MAPKAPK5: variants seen among roughly 807,000 people sequenced by gnomAD.
MAPKAPK5 encodes the protein MAPK activated protein kinase 5, also known as MAP kinase-activated protein kinase 5.
In MAPKAPK5, 30 loss-of-function variants were observed where a neutral mutation model predicts 65.1. That is an observed-to-expected ratio of 0.46 (90% CI 0.34 to 0.63). MAPKAPK5 has a LOEUF of 0.63. Ranked by LOEUF, MAPKAPK5 falls within the 20% of genes least tolerant of loss-of-function variation. The pLI, the probability that MAPKAPK5 is intolerant of heterozygous loss-of-function variation, is 0.01. For missense variants in MAPKAPK5, 433 were observed against 581.4 expected, an observed-to-expected ratio of 0.74 and a Z score of 2.63; for synonymous variants, 179 against 204.6, an observed-to-expected ratio of 0.87 and a Z score of 1.07.
intron 9 of MAPKAPK5, among the ~76,000 whole-genome samples, chr12:111,884,351 C>T (rs1034545104): frequency 6.6e-6 from 1 of 152,196 alleles, no homozygotes; most frequent in Non-Finnish European, 1.5e-5. Flanking sequence ...GCTGGGATTA[C>T]AGGAGCCCGC....
intron 8 of MAPKAPK5, among the ~76,000 whole-genome samples, chr12:111,881,498 G>A (rs2070227056): frequency 6.7e-6 from 1 of 149,718 alleles, no homozygotes; most frequent in African/African-American, 2.5e-5. Flanking sequence ...TCCGCCTCCC[G>A]GGTTCAAGCA....
chr12:111,885,892 G>A, intron 9 of MAPKAPK5, 24 bp from the exon 10 acceptor site: 1 of 1,613,830 alleles, frequency 6.2e-7, no homozygotes, highest in Non-Finnish European at 8.5e-7. Context: ...GTGCATGGCA[G>A]CCCTGTTGGC....
At chr12:111,872,581 A>G (rs2069818540) in intron 7 of MAPKAPK5, among the ~76,000 whole-genome samples, 1 of 152,244 alleles carries the variant, frequency 6.6e-6, no homozygotes, top group Admixed American at 6.5e-5. Flanking sequence ...TAAAAACAAC[A>G]GAAATGTATT....
intron 1 of MAPKAPK5, among the ~76,000 whole-genome samples, chr12:111,847,019 T>C (rs1393483103): frequency 6.6e-6 from 1 of 152,014 alleles, no homozygotes; most frequent in African/African-American, 2.4e-5. Context: ...TCCTCCCTTA[T>C]CTGTGGGGAC....
rs868814875 is a variant in MAPKAPK5, at chr12:111,852,752, C to G, written c.36+9983C>G. ...GTTTTCTAGTTTCCAGTGTATAAAT[C>G]TATAAATCTTGCCTTTTGATAAATT... On this transcript the variant is annotated intron_variant, in intron 1 of 13. Coordinates refer to ENST00000550735, the MANE Select transcript of MAPKAPK5 (RefSeq NM_003668.4). Among the ~76,000 whole-genome samples, 8 of 152,208 alleles carry G rather than the reference C, an allele frequency of 5.3e-5. 1 individual carries two copies. The Middle Eastern group carries it at 0.017, about 324-fold the overall frequency.
intron 7 of MAPKAPK5, among the ~76,000 whole-genome samples, chr12:111,877,811 G>C (rs922587333): frequency 6.6e-6 from 1 of 152,044 alleles, no homozygotes; most frequent in Non-Finnish European, 1.5e-5. Context: ...CTCCTTAGGA[G>C]CTGGGACCAT....
chr12:111,861,011 T>C (rs1474918079), intron 1 of MAPKAPK5, among the ~76,000 whole-genome samples: 1 of 151,536 alleles, frequency 6.6e-6, no homozygotes, highest in African/African-American at 2.4e-5. Flanking sequence ...GTACAAAAAT[T>C]AGCTGGGTGC....
chr12:111,880,150 G>A (rs574462576), intron 7 of MAPKAPK5: 1 of 420,632 alleles, frequency 2.4e-6, no homozygotes, highest in African/African-American at 2.0e-5. Context: ...AGGCATAAGG[G>A]CTATCCCCAG....
At chr12:111,854,574 T>C (rs2069179521) in intron 1 of MAPKAPK5, among the ~76,000 whole-genome samples, 1 of 152,192 alleles carries the variant, frequency 6.6e-6, no homozygotes, top group African/African-American at 2.4e-5. Context: ...AAGGGTATTT[T>C]ACAGCCAGGT....
intron 7 of MAPKAPK5, among the ~76,000 whole-genome samples, chr12:111,874,862 C>T (rs113388855): frequency 5.8e-4 from 87 of 150,814 alleles, no homozygotes; most frequent in Non-Finnish European, 1.0e-3. Flanking sequence ...GCAATCTCCG[C>T]CTCCCAGGTT....
In MAPKAPK5 at chr12:111,901,594, C is replaced by A. The variant is rs2071063552; in HGVS notation, c.*8533C>A. ...CTCCAGCAGTGGCTCCACCACCGGCCCCAGAAATAAAGCCAGAAGCAGCAG... is the reference window on the plus strand; with the variant it reads ...CTCCAGCAGTGGCTCCACCACCGGCACCAGAAATAAAGCCAGAAGCAGCAG... On this transcript the variant is annotated 3_prime_UTR_variant, in exon 14 of 14. Transcript: ENST00000550735. 1 of 289,362 alleles carries A rather than the reference C, an allele frequency of 3.5e-6. No individual in the cohort carries two copies. The highest frequency in any genetic ancestry group is 6.8e-6 in the Non-Finnish European group (1 of 147,272). 17.9% of individuals were successfully genotyped at this position (289,362 alleles called of 1,614,324 possible).
Position 111,895,626 on chromosome 12 carries a change from GTT to G in MAPKAPK5, c.*2566_*2567del, listed in dbSNP as rs2070781984. On this transcript the variant is annotated 3_prime_UTR_variant, in exon 14 of 14. Transcript: ENST00000550735. Reference sequence around the variant, plus strand: ...GCTCACTGCAACCTCTGCCTCCCAGGTTCAAGCGATTCTCGTGCCTCAGACTT... The same window carrying G: ...GCTCACTGCAACCTCTGCCTCCCAGGCAAGCGATTCTCGTGCCTCAGACTT... 1 of 148,438 alleles carries G rather than the reference GTT, an allele frequency of 6.7e-6. No individual in the cohort carries two copies. Among genetic ancestry groups the G allele is most frequent in the Non-Finnish European group, 1.5e-5 (1 of 67,866 alleles). The allele number at this position is 148,438 out of a possible 1,614,324, so 9.2% of individuals were successfully genotyped here.
intron 6 of MAPKAPK5, among the ~76,000 whole-genome samples, chr12:111,870,627 A>G (rs761810979): frequency 6.6e-6 from 1 of 152,206 alleles, no homozygotes; most frequent in Non-Finnish European, 1.5e-5. Context: ...GGGAAGGGGC[A>G]GGAATCTGTA....
intron 12 of MAPKAPK5, 72 bp downstream of exon 12, chr12:111,889,072 G>T: frequency 6.8e-7 from 1 of 1,471,294 alleles, no homozygotes; most frequent in Non-Finnish European, 9.2e-7. Context: ...GTGGGTGTAT[G>T]CATGCACATG....
chr12:111,844,540 T>C (rs1482664557), intron 1 of MAPKAPK5, among the ~76,000 whole-genome samples: 1 of 152,214 alleles, frequency 6.6e-6, no homozygotes, highest in Non-Finnish European at 1.5e-5. Context: ...CCTGAAGTTA[T>C]TTAATTGGGT....
intron 1 of MAPKAPK5, among the ~76,000 whole-genome samples, chr12:111,847,275 G>A (rs913043526): frequency 6.6e-6 from 1 of 151,650 alleles, no homozygotes; most frequent in African/African-American, 2.4e-5. Flanking sequence ...TTGAACACGG[G>A]AGGTGGAAGT....
intron 7 of MAPKAPK5, among the ~76,000 whole-genome samples, chr12:111,874,773 CTTTT>C (rs34005167): frequency 3.7e-5 from 4 of 107,690 alleles, no homozygotes; most frequent in Non-Finnish European, 7.4e-5. Context: ...ATACTAGTGA[CTTTT>C]TTTTTTTTTT....
At chr12:111,878,444 C>T (rs908540027) in intron 7 of MAPKAPK5, among the ~76,000 whole-genome samples, 7 of 150,520 alleles carry the variant, frequency 4.7e-5, no homozygotes, top group African/African-American at 1.2e-4. Flanking sequence ...TATTTTGAGA[C>T]GGAGTCTCAC....
At chr12:111,863,021 G>A (rs1005605970) in intron 1 of MAPKAPK5, among the ~76,000 whole-genome samples, 5 of 152,182 alleles carry the variant, frequency 3.3e-5, no homozygotes, top group Admixed American at 2.0e-4. Flanking sequence ...AGGAGGTGGT[G>A]AGTGAAGATG....
Sources: allele counts gnomAD v4.1 joint callset (sites outside exome capture counted in the v4.1 genomes callset), GRCh38; gene constraint gnomAD v4.1.1; transcripts MANE v1.5; gene names NCBI Gene and HGNC (gene_info 2026-07-23, HGNC 2026-07-21).